Variants in COL27A1 observed in about 807,000 individuals in gnomAD.
COL27A1 encodes collagen type XXVII alpha 1 chain, also known as collagen alpha-1(XXVII) chain.
A neutral mutation model predicts 251.3 loss-of-function variants in COL27A1; 106 were observed. The ratio of observed to expected loss-of-function variants is 0.42; its 90% CI spans 0.36 to 0.50. The LOEUF (loss-of-function observed/expected upper bound fraction) is 0.50. Among genes scored for constraint, COL27A1 ranks in the 20% least tolerant of loss-of-function variants. The pLI, the probability that COL27A1 is intolerant of heterozygous loss-of-function variation, is 0.00. For synonymous variants in COL27A1, 1,000 were observed against 986.3 expected, an observed-to-expected ratio of 1.01 and a Z score of -0.26; for missense variants, 2,325 against 2,522.8, an observed-to-expected ratio of 0.92 and a Z score of 1.68.
intron 16 of COL27A1, among the ~76,000 whole-genome samples, chr9:114,232,868 C>T (rs1250137587): frequency 3.9e-5 from 6 of 152,188 alleles, no homozygotes; most frequent in African/African-American, 1.4e-4. Context: ...GTCAGGAGTT[C>T]GAGACCAGTC....
intron 3 of COL27A1, among the ~76,000 whole-genome samples, chr9:114,174,826 G>T (rs760626041): frequency 1.3e-5 from 2 of 152,178 alleles, no homozygotes; most frequent in Non-Finnish European, 2.9e-5. Flanking sequence ...GGGAAGTCTG[G>T]GTGCCCTGTG....
intron 4 of COL27A1, among the ~76,000 whole-genome samples, chr9:114,181,818 T>A (rs1232898206): frequency 2.0e-5 from 3 of 152,188 alleles, no homozygotes; most frequent in Admixed American, 6.5e-5. Context: ...CCCTGGACCC[T>A]GATCTCACTT....
chr9:114,291,546 C>T (rs991331766), intron 48 of COL27A1, among the ~76,000 whole-genome samples: 1 of 152,046 alleles, frequency 6.6e-6, no homozygotes, highest in Non-Finnish European at 1.5e-5. Flanking sequence ...GTCAGGAGTT[C>T]GAGACCAGCC....
Position 114,157,099 on chromosome 9 carries a change from CACACAT to C in COL27A1, c.62+1090_62+1095del, listed in dbSNP as rs879152249. ...CAACACACACACACACACACACACA[CACACAT>C]ACGCGCGCGCGGCACCAGTGAGCAC... On this transcript the variant is annotated intron_variant, in intron 1 of 60. Transcript: ENST00000356083. 6.8e-3 allele frequency among the ~76,000 whole-genome samples: 923 copies of C among 135,878 alleles called. 4 individuals carry two copies. Among genetic ancestry groups the C allele is most frequent in the Middle Eastern group, 0.038 (11 of 290 alleles). 89.1% of individuals were successfully genotyped at this position (135,878 alleles called of 152,430 possible).
intron 7 of COL27A1, among the ~76,000 whole-genome samples, chr9:114,201,635 C>G (rs1044731798): frequency 6.6e-6 from 1 of 152,194 alleles, no homozygotes; most frequent in South Asian, 2.1e-4. Context: ...TGCTAGGTAA[C>G]TTTGGACAAG....
chr9:114,189,931 C>G (rs557785553), intron 5 of COL27A1, among the ~76,000 whole-genome samples: 1 of 152,292 alleles, frequency 6.6e-6, no homozygotes, highest in African/African-American at 2.4e-5. Flanking sequence ...TAGGCATTCA[C>G]ATTATTTGCA....
Position 114,242,580 on chromosome 9 carries a change from C to A in COL27A1, c.2880+349C>A, listed in dbSNP as rs1227598527. Among the ~76,000 whole-genome samples, 5 of 152,262 alleles carry A rather than the reference C, an allele frequency of 3.3e-5. No homozygotes were observed. The East Asian group carries it at 9.6e-4, about 29-fold the overall frequency. ...AGTGGGGACGCCCTGCCTGGGCCCT[C>A]AGCCCGAGCCCTCTGCACTCTTCCA... On this transcript the variant is annotated intron_variant, in intron 22 of 60. Coordinates refer to ENST00000356083, the MANE Select transcript of COL27A1 (RefSeq NM_032888.4).
chr9:114,253,893 C>G (rs1254056907), intron 27 of COL27A1, among the ~76,000 whole-genome samples: 1 of 152,154 alleles, frequency 6.6e-6, no homozygotes, highest in Non-Finnish European at 1.5e-5. Flanking sequence ...GTTTCAGGAG[C>G]TGGGTGAAGG....
At chr9:114,230,071 C>T (rs73562602) in intron 14 of COL27A1, among the ~76,000 whole-genome samples, 1,733 of 152,310 alleles carry the variant, frequency 0.011, 39 homozygotes, top group African/African-American at 0.039. Flanking sequence ...CAGTATTGTA[C>T]GTCCTCACTT....
chr9:114,235,679 C>G (rs749511653), intron 17 of COL27A1, 27 bp downstream of exon 17: 2 of 1,513,922 alleles, frequency 1.3e-6, no homozygotes, highest in Non-Finnish European at 9.2e-7. Flanking sequence ...TTCCCCTCCC[C>G]CTGCCCCTGC....
At position 114,253,953 on chromosome 9, in the gene COL27A1, C is replaced by T. The variant is rs185755366; in HGVS notation, c.3141+1021C>T. ...CTCCACCTCCTGGGTTCAAGAGATTCTCGTGCCTCAGCCTCCCTAGTAGCT... is the reference window on the plus strand; with the variant it reads ...CTCCACCTCCTGGGTTCAAGAGATTTTCGTGCCTCAGCCTCCCTAGTAGCT... On this transcript the variant is annotated intron_variant, in intron 27 of 60. Coordinates refer to ENST00000356083, the MANE Select transcript of COL27A1 (RefSeq NM_032888.4). Among the ~76,000 whole-genome samples the T allele has an allele frequency of 3.8e-3, 582 of 152,270 alleles. 4 individuals carry two copies. Among genetic ancestry groups the T allele is most frequent in the African/African-American group, 0.013 (544 of 41,542 alleles).
At chr9:114,301,424 C>A (rs572183904) in intron 53 of COL27A1, 21 bp from the exon 54 acceptor site, 11 of 1,612,288 alleles carry the variant, frequency 6.8e-6, no homozygotes, top group Non-Finnish European at 8.5e-6. Context: ...AACTCTCTCC[C>A]CTGCTTCTGT....
intron 3 of COL27A1, among the ~76,000 whole-genome samples, chr9:114,171,783 C>T (rs1045616549): frequency 3.3e-5 from 5 of 152,114 alleles, no homozygotes; most frequent in East Asian, 1.9e-4. Context: ...GCTTCCGATT[C>T]GATAACCCAT....
Position 114,282,322 on chromosome 9 carries a change from G to A in COL27A1, c.3763G>A (p.Gly1255Arg), listed in dbSNP as rs772019812. ...SGKQGEKGRT[G>R]AKGAKGYQGQ... ...GAAGCAAGGCGAGAAGGGCCGCACT[G>A]GAGCCAAGGTAGGTGTCCCCTTCTG... Residue 1255 changes from glycine (G) to arginine (R), a missense_variant, in exon 38 of 61, where the codon GGA (glycine) becomes AGA (arginine). By Grantham distance (125) the Gly-to-Arg change is moderately radical. Transcript: ENST00000356083. 2 of 1,614,026 alleles carry A rather than the reference G, an allele frequency of 1.2e-6. No homozygotes were observed. Among genetic ancestry groups the A allele is most frequent in the South Asian group, 2.2e-5 (2 of 91,082 alleles).
chr9:114,269,171 A>ACAGGAAGGGGTGT, intron 34 of COL27A1, 70 bp from the exon 35 acceptor site: 1 of 1,079,810 alleles, frequency 9.3e-7, no homozygotes, highest in Non-Finnish European at 1.3e-6. Flanking sequence ...GCTGGTGGAA[A>ACAGGAAGGGGTGT]CAGGAAGGGG....
At chr9:114,275,625 T>TCC (rs1310223298) in intron 36 of COL27A1, 36 bp from the exon 37 acceptor site, 1 of 1,413,116 alleles carries the variant, frequency 7.1e-7, no homozygotes, top group African/African-American at 1.4e-5. Context: ...TAACTTATTC[T>TCC]CTCTCTCTCT....
upstream of COL27A1, among the ~76,000 whole-genome samples, chr9:114,155,340 G>C (rs1848055134): frequency 6.6e-6 from 1 of 152,044 alleles, no homozygotes; most frequent in Non-Finnish European, 1.5e-5. This position sits in a 1 kb window ranked among gnomAD's most constrained non-coding sequence, Gnocchi z 5.5. Context: ...CTGTGAATCT[G>C]TTTCCCCATC....
intron 37 of COL27A1, among the ~76,000 whole-genome samples, chr9:114,278,757 G>C (rs1338460607): frequency 6.6e-6 from 1 of 151,852 alleles, no homozygotes; most frequent in Non-Finnish European, 1.5e-5. Context: ...GAGTCACTTG[G>C]GCCAGACGAA....
chr9:114,282,955 C>A (rs62555443), intron 39 of COL27A1, among the ~76,000 whole-genome samples: 10,677 of 152,254 alleles, frequency 0.07, 537 homozygotes, highest in Non-Finnish European at 0.1. Flanking sequence ...TGGAGTGATG[C>A]TGCTGCAGGT....
Sources: gnomAD v4.1 joint callset for allele counts (sites outside exome capture counted in the v4.1 genomes callset) on GRCh38, gnomAD v4.1.1 for gene constraint, Gnocchi (gnomAD v3.1) non-coding constraint, MANE v1.5 for transcripts, NCBI Gene and HGNC (gene_info 2026-07-23, HGNC 2026-07-21) for gene names.